SETX: variants seen among roughly 807,000 people sequenced by gnomAD.
The protein encoded by SETX is helicase senataxin.
A neutral mutation model predicts 227.2 loss-of-function variants in SETX; 90 were observed. That is an observed-to-expected ratio of 0.40 (90% confidence interval 0.33 to 0.47). The LOEUF (loss-of-function observed/expected upper bound fraction) is 0.47. SETX is among the 20% of genes least tolerant of loss of function. SETX has a pLI of 0.91. For synonymous variants in SETX, 1,210 were observed against 1,113.2 expected, an observed-to-expected ratio of 1.09 and a Z score of -1.73; for missense variants, 3,052 against 3,181.5, an observed-to-expected ratio of 0.96 and a Z score of 0.98.
chr9:132,273,179 T>C (rs868214954), intron 23 of SETX, among the ~76,000 whole-genome samples: 20 of 152,230 alleles, frequency 1.3e-4, no homozygotes, highest in Non-Finnish European at 2.6e-4. Flanking sequence ...TTTTTTGTTT[T>C]GAGATGGAAT....
intron 10 of SETX, among the ~76,000 whole-genome samples, chr9:132,320,816 CA>C (rs1846280545): frequency 6.6e-6 from 1 of 151,740 alleles, no homozygotes; most frequent in Non-Finnish European, 1.5e-5. Flanking sequence ...CCAATTAGAA[CA>C]AAAAGGACAG....
At chr9:132,338,324 C>T (rs1181437077) in intron 5 of SETX, among the ~76,000 whole-genome samples, 2 of 152,084 alleles carry the variant, frequency 1.3e-5, no homozygotes, top group Non-Finnish European at 2.9e-5. Flanking sequence ...AACTCCTGAC[C>T]TCATGATCCA....
chr9:132,322,236 C>A (rs1210798827), intron 10 of SETX, among the ~76,000 whole-genome samples: 1 of 152,100 alleles, frequency 6.6e-6, no homozygotes, highest in Non-Finnish European at 1.5e-5. Context: ...GTATTTCATA[C>A]AACATAAAAC....
Position 132,291,571 on chromosome 9 carries a change from T to A in SETX, c.6107-2920A>T, listed in dbSNP as rs118063965. Among the ~76,000 whole-genome samples, 41 of 152,218 alleles carry A rather than the reference T, an allele frequency of 2.7e-4. No individual in the cohort carries two copies. The East Asian group carries it at 6.9e-3, about 26-fold the overall frequency. On this transcript the variant is annotated intron_variant, in intron 15 of 25. Coordinates refer to ENST00000224140, the MANE Select transcript of SETX (RefSeq NM_015046.7). ...GAAATGTTCCGCAAATTATAACAGA[T>A]ATCCTTTACACTGCTGGGTAAGCTC... is the stretch of plus-strand genomic sequence containing the variant.
chr9:132,284,321 A>C (rs920049407), intron 18 of SETX, among the ~76,000 whole-genome samples: 1 of 152,248 alleles, frequency 6.6e-6, no homozygotes, highest in Non-Finnish European at 1.5e-5. Context: ...GTTCTGTTTA[A>C]AATCTGATTA....
rs915290719 is a variant in SETX, at chr9:132,294,660, G to T, written c.6106+1212C>A. ...AAAGGAAATAAGCAGAGGCGCTATTGGCAGGACCTAGAAACTTTCCTTGTA... is the reference window on the plus strand; with the variant it reads ...AAAGGAAATAAGCAGAGGCGCTATTTGCAGGACCTAGAAACTTTCCTTGTA... On this transcript the variant is annotated intron_variant, in intron 15 of 25. Coordinates refer to ENST00000224140, the MANE Select transcript of SETX (RefSeq NM_015046.7). 2.0e-5 allele frequency among the ~76,000 whole-genome samples: 3 copies of T among 152,202 alleles called. No individual in the cohort carries two copies. In the East Asian group the frequency reaches 5.8e-4, roughly 29 times the overall value.
At chr9:132,275,733 G>A (rs1454590409) in intron 22 of SETX, among the ~76,000 whole-genome samples, 1 of 152,198 alleles carries the variant, frequency 6.6e-6, no homozygotes, top group Admixed American at 6.5e-5. Context: ...TTGAAACAGG[G>A]AGAGCAGTAT....
chr9:132,282,481 G>T (rs557220387), intron 19 of SETX, among the ~76,000 whole-genome samples: 2 of 151,902 alleles, frequency 1.3e-5, no homozygotes, highest in African/African-American at 4.8e-5. Flanking sequence ...GTAGAGACAA[G>T]GTTTCACCAT....
At chr9:132,286,604 G>GT (rs1163338794) in intron 17 of SETX, 110 bp from the exon 18 acceptor site, 1 of 781,662 alleles carries the variant, frequency 1.3e-6, no homozygotes, top group Non-Finnish European at 2.2e-6. Flanking sequence ...AATGAAAAAT[G>GT]TATTTACCCA....
chr9:132,325,635 CAG>C (rs1231435806), intron 10 of SETX, among the ~76,000 whole-genome samples: 2 of 152,016 alleles, frequency 1.3e-5, no homozygotes, highest in Non-Finnish European at 2.9e-5. Context: ...CTCCAAGGAG[CAG>C]AGTTTCCAGC....
intron 10 of SETX, among the ~76,000 whole-genome samples, chr9:132,319,941 C>T (rs1377872299): frequency 6.6e-6 from 1 of 152,130 alleles, no homozygotes; most frequent in East Asian, 1.9e-4. Flanking sequence ...GGAGAGGCAA[C>T]AGTAGAGGAC....
At chr9:132,313,317 A>G in intron 10 of SETX, among the ~76,000 whole-genome samples, 1 of 152,340 alleles carries the variant, frequency 6.6e-6, no homozygotes, top group Non-Finnish European at 1.5e-5. Context: ...TTTTATCACA[A>G]GAGATTTACC....
intron 18 of SETX, 77 bp from the exon 19 acceptor site, chr9:132,283,490 AC>A: frequency 6.6e-7 from 1 of 1,509,614 alleles, no homozygotes; most frequent in Non-Finnish European, 9.2e-7. Flanking sequence ...TTACTATAAA[AC>A]ACTCACTATT....
At position 132,275,241 on chromosome 9, in the gene SETX, A is replaced by T. The variant is rs887100929; in HGVS notation, c.7100+15T>A. 1 of 1,612,584 alleles carries T rather than the reference A, an allele frequency of 6.2e-7. No homozygotes were observed. Among genetic ancestry groups the T allele is most frequent in the Non-Finnish European group, 8.5e-7 (1 of 1,178,890 alleles). ...TTCAACAAGAAAATTGGAAATATTT[A>T]TAAAAATGCCTCACCCTTTTCTATC... On this transcript the variant is annotated intron_variant, in intron 23 of 25. Coordinates refer to ENST00000224140, the MANE Select transcript of SETX (RefSeq NM_015046.7).
At chr9:132,341,782 T>C (rs1422367569) in intron 5 of SETX, among the ~76,000 whole-genome samples, 1 of 152,108 alleles carries the variant, frequency 6.6e-6, no homozygotes, top group Non-Finnish European at 1.5e-5. Context: ...TTGCCTGGAG[T>C]ATACTTCTAA....
At position 132,328,868 on chromosome 9, in the gene SETX, T is replaced by G. The variant is rs764898504; in HGVS notation, c.2730A>C (p.Ser910=). 23 of 1,613,956 alleles carry G rather than the reference T, an allele frequency of 1.4e-5. No homozygotes were observed. The highest frequency in any genetic ancestry group is 1.9e-5 in the Non-Finnish European group (22 of 1,179,984). Residue 910 remains serine (S), a synonymous_variant, in exon 10 of 26, where the codon TCA becomes TCC. Transcript: ENST00000224140. ...CAGTCATAAGATCTTTAAAGGGAGA[T>G]GATTTCTTCTCTGAAGCATTGGTCA... ...TEMTNASEKK[S]SPFKDLMTVP... is the part of the protein sequence containing the mutation.
At chr9:132,291,332 A>G (rs1240471611) in intron 15 of SETX, among the ~76,000 whole-genome samples, 1 of 151,708 alleles carries the variant, frequency 6.6e-6, no homozygotes, top group Non-Finnish European at 1.5e-5. Flanking sequence ...ACGCCCAGCT[A>G]ATTTTTTGTA....
At chr9:132,322,305 C>T (rs1281867316) in intron 10 of SETX, among the ~76,000 whole-genome samples, 1 of 152,110 alleles carries the variant, frequency 6.6e-6, no homozygotes, top group Non-Finnish European at 1.5e-5. Context: ...ATTTACTATG[C>T]TGTGCAACCA....
chr9:132,330,625 C>T lies in SETX; in HGVS notation c.1099-126G>A, dbSNP rs1002877440. ...TTTGGTTTACCACATCATTATTATG[C>T]TATACAATGGTATAATTGTGGCATA... is the stretch of plus-strand genomic sequence containing the variant. On this transcript the variant is annotated intron_variant, in intron 9 of 25. Transcript: ENST00000224140. 2.0e-5 allele frequency: 15 copies of T among 758,012 alleles called. No individual in the cohort carries two copies. The Admixed American group carries it at 2.7e-4, about 13-fold the overall frequency. 47.0% of individuals were successfully genotyped at this position (758,012 alleles called of 1,614,324 possible).
Sources: gnomAD v4.1 joint callset for allele counts (sites outside exome capture counted in the v4.1 genomes callset) on GRCh38, gnomAD v4.1.1 for gene constraint, MANE v1.5 for transcripts, NCBI Gene and HGNC (gene_info 2026-07-23, HGNC 2026-07-21) for gene names.